Variants in ADAM22 observed in about 807,000 individuals in gnomAD.
ADAM22 encodes disintegrin and metalloproteinase domain-containing protein 22.
A neutral mutation model predicts 144.6 loss-of-function variants in ADAM22; 65 were observed. The ratio of observed to expected loss-of-function variants is 0.45; its 90% confidence interval spans 0.37 to 0.55. The LOEUF is 0.55. Among genes scored for constraint, ADAM22 ranks in the 20% least tolerant of loss-of-function variants. The pLI, the probability that ADAM22 is intolerant of heterozygous loss-of-function variation, is 0.00. For synonymous variants in ADAM22, 391 were observed against 412.6 expected (o/e 0.95, Z 0.63); for missense variants, 974 against 1,184.9 (o/e 0.82, Z 2.61).
chr7:87,934,680 T>A lies in ADAM22; in HGVS notation c.85+130T>A, dbSNP rs1201678279. 3.6e-5 allele frequency: 28 copies of A among 773,722 alleles called. No homozygotes were observed. The Middle Eastern group carries it at 8.3e-4, about 23-fold the overall frequency. 47.9% of individuals were successfully genotyped at this position (773,722 alleles called of 1,614,324 possible). A position where few individuals can be genotyped will look rare whatever the true frequency, so the allele number is the denominator to read the frequency against. On this transcript the variant is annotated intron_variant, in intron 1 of 31. Coordinates refer to ENST00000413139, the MANE Select transcript of ADAM22 (RefSeq NM_001324418.2). ...GGGAGATTTTTTTTTTTTTTTTTTT[T>A]AATTCGGGAGGGTGGTGAGAAGTGG...
chr7:88,003,526 TCA>T lies in ADAM22; in HGVS notation c.323+25118_323+25119del, dbSNP rs1296200920. On this transcript the variant is annotated intron_variant, in intron 3 of 31. Coordinates refer to ENST00000413139, the MANE Select transcript of ADAM22 (RefSeq NM_001324418.2). ...CCAAATTTGATGTATCCTGAGAGAA[TCA>T]CACTGAATTTTTTTTCAAAAGACAG... Among the ~76,000 whole-genome samples, 930 of 152,296 alleles carry T rather than the reference TCA, an allele frequency of 6.1e-3. 12 individuals carry two copies. The highest frequency in any genetic ancestry group is 0.046 in the East Asian group (240 of 5,186).
At chr7:88,174,585 AT>A (rs1845172027) in intron 26 of ADAM22, among the ~76,000 whole-genome samples, 1 of 152,204 alleles carries the variant, frequency 6.6e-6, no homozygotes, top group Non-Finnish European at 1.5e-5. Flanking sequence ...TTATAAGTGG[AT>A]TTTAGTTTTT....
intron 22 of ADAM22, 49 bp downstream of exon 22, chr7:88,156,055 G>A: frequency 6.2e-7 from 1 of 1,602,822 alleles, no homozygotes; most frequent in Non-Finnish European, 8.5e-7. Flanking sequence ...TATTTCTCAG[G>A]AATGCAGTTT....
chr7:88,090,876 G>C (rs1453502602), intron 4 of ADAM22, among the ~76,000 whole-genome samples: 1 of 152,108 alleles, frequency 6.6e-6, no homozygotes, highest in Non-Finnish European at 1.5e-5. Flanking sequence ...CTGTGGGTTT[G>C]AGCTGTTGCC....
intron 3 of ADAM22, among the ~76,000 whole-genome samples, chr7:87,994,170 T>G (rs1021052005): frequency 5.3e-5 from 8 of 151,894 alleles, no homozygotes; most frequent in Non-Finnish European, 8.8e-5. Context: ...CATTCCTTTT[T>G]TTTTTTTTTG....
At chr7:87,982,068 T>TATATATATATATATATATACACACAC in intron 3 of ADAM22, among the ~76,000 whole-genome samples, 1 of 93,740 alleles carries the variant, frequency 1.1e-5, no homozygotes, top group East Asian at 3.8e-4. Flanking sequence ...TATATATATA[T>TATATATATATATATATATACACACAC]ACACACACAC....
intron 4 of ADAM22, among the ~76,000 whole-genome samples, chr7:88,081,539 G>A (rs1206599793): frequency 6.6e-6 from 1 of 151,686 alleles, no homozygotes; most frequent in Admixed American, 6.6e-5. Flanking sequence ...TAGGAAAAGA[G>A]GAAGTCAAAT....
intron 3 of ADAM22, among the ~76,000 whole-genome samples, chr7:87,989,493 G>A (rs952171924): frequency 1.8e-4 from 27 of 152,160 alleles, no homozygotes; most frequent in African/African-American, 6.3e-4. Flanking sequence ...TTGAACTCTT[G>A]TGCTCAAGTG....
At chr7:87,996,838 G>A (rs1406848727) in intron 3 of ADAM22, among the ~76,000 whole-genome samples, 1 of 152,230 alleles carries the variant, frequency 6.6e-6, no homozygotes, top group Non-Finnish European at 1.5e-5. Context: ...GGGCAAGTCA[G>A]TTAACTGCTC....
intron 3 of ADAM22, among the ~76,000 whole-genome samples, chr7:87,995,375 T>A (rs1023150215): frequency 2.3e-4 from 35 of 152,208 alleles, no homozygotes; most frequent in African/African-American, 8.4e-4. Flanking sequence ...TGACAGGTTA[T>A]CCCAGCCATG....
chr7:88,156,206 A>G (rs1267011917), intron 22 of ADAM22, among the ~76,000 whole-genome samples, 200 bp downstream of exon 22: 2 of 152,184 alleles, frequency 1.3e-5, no homozygotes, highest in Admixed American at 1.3e-4. Context: ...TTGTGTGATT[A>G]CTAGAGTTAG....
chr7:88,184,260 TAGAC>T (rs1413309146), intron 29 of ADAM22: 1 of 312,726 alleles, frequency 3.2e-6, no homozygotes, highest in Non-Finnish European at 6.5e-6. Context: ...TTTTTTGGCT[TAGAC>T]TTTGTATTAT....
At chr7:87,937,480 A>G (rs1438336643) in intron 2 of ADAM22, among the ~76,000 whole-genome samples, 2 of 152,224 alleles carry the variant, frequency 1.3e-5, no homozygotes, top group Non-Finnish European at 2.9e-5. Flanking sequence ...GAAAAAGAAA[A>G]TGACAGGATT....
intron 24 of ADAM22, 69 bp downstream of exon 24, chr7:88,166,015 T>C: frequency 9.7e-7 from 1 of 1,032,568 alleles, no homozygotes; most frequent in Non-Finnish European, 1.4e-6. Flanking sequence ...CTGAAAACTT[T>C]TATTTGAGTT....
Position 88,179,124 on chromosome 7 carries a change from C to A in ADAM22, c.2490C>A (p.Cys830Ter), listed in dbSNP as rs1254580937. 8.4e-7 allele frequency: 1 copy of A among 1,184,312 alleles called. No homozygotes were observed. Among genetic ancestry groups the A allele is most frequent in the Admixed American group, 1.9e-5 (1 of 53,452 alleles). 73.4% of individuals were successfully genotyped at this position (1,184,312 alleles called of 1,614,324 possible). A position where few individuals can be genotyped will look rare whatever the true frequency, so the allele number is the denominator to read the frequency against. The change falls in exon 27 of 32, where the codon TGC (cysteine) becomes TGA (stop). Residue 830 changes from cysteine (C) to a stop codon, truncating the protein, a stop_gained. Transcript: ENST00000413139. LOFTEE classifies it high-confidence loss of function. The part of the protein sequence containing the change: ...YSISQNISLF[C>*]SRSNGLSHSW... ...TTAGTCAGAACATTTCATTATTTTG[C>A]AGCAGGTTTGATTACTTCTTCCTTC... is the stretch of plus-strand genomic sequence containing the variant.
At chr7:88,156,103 A>G (rs942878635) in intron 22 of ADAM22, 97 bp downstream of exon 22, 5 of 1,343,786 alleles carry the variant, frequency 3.7e-6, no homozygotes, top group Non-Finnish European at 5.2e-6. Context: ...ACATGTTAGT[A>G]GGTCGAAATA....
At chr7:88,153,716 A>G (rs530256751) in intron 21 of ADAM22, among the ~76,000 whole-genome samples, 1 of 152,154 alleles carries the variant, frequency 6.6e-6, no homozygotes, top group Non-Finnish European at 1.5e-5. Context: ...CCTTCTGTCT[A>G]GAAGCCTTAA....
intron 29 of ADAM22, among the ~76,000 whole-genome samples, chr7:88,183,891 C>G (rs950160067): frequency 2.6e-5 from 4 of 151,298 alleles, no homozygotes; most frequent in Non-Finnish European, 4.4e-5. Context: ...TACAAGGATT[C>G]CTGATAGGTA....
chr7:88,120,010 A>C (rs2129492595), intron 7 of ADAM22, among the ~76,000 whole-genome samples: 1 of 152,276 alleles, frequency 6.6e-6, no homozygotes, highest in South Asian at 2.1e-4. Flanking sequence ...CATGCATCAG[A>C]ATCATCTGGA....
Sources: gnomAD v4.1 joint callset for allele counts (sites outside exome capture counted in the v4.1 genomes callset) on GRCh38, gnomAD v4.1.1 for gene constraint, MANE v1.5 for transcripts, NCBI Gene and HGNC (gene_info 2026-07-23, HGNC 2026-07-21) for gene names.